NPAS3: variants seen among roughly 807,000 people sequenced by gnomAD.
The protein encoded by NPAS3 is neuronal PAS domain protein 3.
Under a neutral mutation model 73.1 loss-of-function variants are expected in NPAS3, and 14 were observed. That is an observed-to-expected ratio of 0.19 (90% confidence interval 0.13 to 0.30). NPAS3 has a LOEUF of 0.30. Ranked by LOEUF, NPAS3 falls within the 10% of genes least tolerant of loss-of-function variation. NPAS3 has a pLI of 1.00. For missense variants in NPAS3, 1,096 were observed against 1,250.0 expected (o/e 0.88, Z 1.86); for synonymous variants, 620 against 541.5 (o/e 1.14, Z -2.01).
intron 6 of NPAS3, among the ~76,000 whole-genome samples, chr14:33,680,072 G>A (rs886334345): frequency 2.0e-5 from 3 of 152,160 alleles, no homozygotes; most frequent in Non-Finnish European, 4.4e-5. Flanking sequence ...GCAGTATGAG[G>A]AGCACAGAAC....
chr14:33,183,437 T>G (rs1464485434), intron 2 of NPAS3, among the ~76,000 whole-genome samples: 3 of 83,606 alleles, frequency 3.6e-5, no homozygotes, highest in Admixed American at 1.7e-4. Context: ...TTTTTTTTTT[T>G]TTTTTTTTTT....
At chr14:33,632,434 C>G (rs947463418) in intron 5 of NPAS3, among the ~76,000 whole-genome samples, 1 of 152,180 alleles carries the variant, frequency 6.6e-6, no homozygotes, top group Non-Finnish European at 1.5e-5. Flanking sequence ...AATTAACAGA[C>G]ACTCAGAGCA....
chr14:33,060,451 A>G (rs912360225), intron 2 of NPAS3, among the ~76,000 whole-genome samples: 3 of 152,254 alleles, frequency 2.0e-5, no homozygotes, highest in Non-Finnish European at 4.4e-5. Flanking sequence ...GGTTTAATCC[A>G]GGATTCCTAG....
intron 3 of NPAS3, among the ~76,000 whole-genome samples, chr14:33,245,251 C>T (rs1055073578): frequency 6.6e-6 from 1 of 152,124 alleles, no homozygotes; most frequent in African/African-American, 2.4e-5. Flanking sequence ...GATGATCAAC[C>T]TCATTGGAGA....
intron 1 of NPAS3, among the ~76,000 whole-genome samples, chr14:33,038,435 AAAAC>A (rs1422638907): frequency 1.3e-5 from 2 of 152,208 alleles, no homozygotes; most frequent in Non-Finnish European, 2.9e-5. Flanking sequence ...AACAAACAAA[AAAAC>A]AAATATTTCT....
chr14:33,685,259 G>C (rs555266472), intron 6 of NPAS3, among the ~76,000 whole-genome samples: 1 of 152,310 alleles, frequency 6.6e-6, no homozygotes, highest in South Asian at 2.1e-4. Context: ...ACTATGGTGC[G>C]TAAGTAGGAT....
chr14:32,991,255 T>C lies in NPAS3; in HGVS notation c.50+51889T>C, dbSNP rs75782071. On this transcript the variant is annotated intron_variant, in intron 1 of 11. Transcript: ENST00000356141. Reference sequence around the variant, plus strand: ...AAAGCCTTTCTAGGTGTTGGGGCTATAATTTCAGCAGAATCAAGTCCCATG... The same window carrying C: ...AAAGCCTTTCTAGGTGTTGGGGCTACAATTTCAGCAGAATCAAGTCCCATG... Among the ~76,000 whole-genome samples the C allele has an allele frequency of 5.2e-3, 790 of 152,196 alleles. 2 individuals are homozygous for C. The highest frequency in any genetic ancestry group is 8.0e-3 in the Non-Finnish European group (542 of 68,000).
chr14:32,991,356 T>C (rs2038326124), intron 1 of NPAS3, among the ~76,000 whole-genome samples: 1 of 152,104 alleles, frequency 6.6e-6, no homozygotes, highest in Non-Finnish European at 1.5e-5. Context: ...GAATGAAGAT[T>C]CTCAAGGGAT....
chr14:33,712,442 C>T (rs1368228973), intron 6 of NPAS3, among the ~76,000 whole-genome samples: 4 of 152,110 alleles, frequency 2.6e-5, no homozygotes, highest in Non-Finnish European at 5.9e-5. Flanking sequence ...GAAGAGAAGC[C>T]AACTATATCA....
At chr14:33,488,635 T>C (rs2139791153) in intron 4 of NPAS3, among the ~76,000 whole-genome samples, 1 of 152,248 alleles carries the variant, frequency 6.6e-6, no homozygotes, top group East Asian at 1.9e-4. Context: ...GTTTTGGGGT[T>C]TTACTGAACA....
At chr14:33,783,496 T>C (rs965309582) in intron 9 of NPAS3, among the ~76,000 whole-genome samples, 2 of 150,504 alleles carry the variant, frequency 1.3e-5, no homozygotes, top group African/African-American at 4.9e-5. Context: ...ATCGTGTGCC[T>C]GGCCATTAAC....
chr14:33,230,851 T>C (rs940670335), intron 3 of NPAS3, among the ~76,000 whole-genome samples: 18 of 152,328 alleles, frequency 1.2e-4, no homozygotes, highest in African/African-American at 4.3e-4. Context: ...GTATTTTTGC[T>C]CCAGTCAGAA....
intron 5 of NPAS3, among the ~76,000 whole-genome samples, chr14:33,671,384 T>C (rs966195792): frequency 6.6e-6 from 1 of 152,326 alleles, no homozygotes; most frequent in Non-Finnish European, 1.5e-5. Flanking sequence ...TTTACATTTT[T>C]TTCCAGGAAA....
intron 4 of NPAS3, among the ~76,000 whole-genome samples, chr14:33,506,535 T>A (rs1595050303): frequency 1.3e-5 from 2 of 152,090 alleles, no homozygotes; most frequent in Non-Finnish European, 2.9e-5. Context: ...TAACAAATTA[T>A]ATGCTGGTTA....
chr14:33,179,610 A>C (rs893792779), intron 2 of NPAS3, among the ~76,000 whole-genome samples: 4 of 152,178 alleles, frequency 2.6e-5, no homozygotes, highest in Non-Finnish European at 4.4e-5. Context: ...TCTTACTCCT[A>C]AATCTATATT....
In NPAS3 at chr14:33,709,332, G is replaced by A. The variant is rs1015323; in HGVS notation, c.734-25882G>A. Among the ~76,000 whole-genome samples the A allele has an allele frequency of 2.3e-3, 353 of 152,266 alleles. 3 individuals carry two copies. Among genetic ancestry groups the A allele is most frequent in the African/African-American group, 7.8e-3 (324 of 41,540 alleles). On this transcript the variant is annotated intron_variant, in intron 6 of 11. Coordinates refer to ENST00000356141, the Ensembl canonical transcript of NPAS3. ...CTATTTCAAATTTAAAGGAAAAACC[G>A]TCCCACCCCGAAGGCTGATGAATAA...
At chr14:33,438,574 A>G (rs1188012087) in intron 4 of NPAS3, among the ~76,000 whole-genome samples, 1 of 152,188 alleles carries the variant, frequency 6.6e-6, no homozygotes, top group Admixed American at 6.5e-5. Context: ...CTGCATGATA[A>G]TTGGGCCTTT....
chr14:32,957,372 A>ATTTTTTTTT (rs199933003), intron 1 of NPAS3, among the ~76,000 whole-genome samples: 1 of 131,936 alleles, frequency 7.6e-6, no homozygotes, highest in Non-Finnish European at 1.7e-5. Flanking sequence ...ATTCATTTTC[A>ATTTTTTTTT]TTTTTTTTTT....
At chr14:33,721,093 G>A (rs906310446) in intron 6 of NPAS3, among the ~76,000 whole-genome samples, 11 of 152,232 alleles carry the variant, frequency 7.2e-5, no homozygotes, top group Admixed American at 3.9e-4. Flanking sequence ...ACTTACATGC[G>A]TCTCCTAAAA....
Sources: allele counts gnomAD v4.1 joint callset (sites outside exome capture counted in the v4.1 genomes callset), GRCh38; gene constraint gnomAD v4.1.1; transcripts MANE v1.5; gene names NCBI Gene and HGNC (gene_info 2026-07-23, HGNC 2026-07-21).